Variants in CDH12 observed in about 807,000 individuals in gnomAD.
CDH12 encodes cadherin 12.
A neutral mutation model predicts 74.1 loss-of-function variants in CDH12; 41 were observed. That is an observed-to-expected ratio of 0.55 (90% confidence interval 0.43 to 0.72). CDH12 has a LOEUF of 0.72. Among genes scored for constraint, CDH12 ranks in the 30% least tolerant of loss-of-function variants. The pLI, the probability that CDH12 is intolerant of heterozygous loss-of-function variation, is 0.00. For synonymous variants in CDH12, 399 were observed against 355.0 expected (o/e 1.12, Z -1.39); for missense variants, 945 against 977.2 (o/e 0.97, Z 0.44).
intron 1 of CDH12, among the ~76,000 whole-genome samples, chr5:22,678,948 T>C (rs1353350970): frequency 6.6e-6 from 1 of 152,124 alleles, no homozygotes; most frequent in African/African-American, 2.4e-5. Context: ...TATTAAACAG[T>C]CATTTTCCAT....
intron 3 of CDH12, among the ~76,000 whole-genome samples, chr5:22,376,150 C>A (rs1741512919): frequency 6.6e-6 from 1 of 152,144 alleles, no homozygotes; most frequent in African/African-American, 2.4e-5. Context: ...TCATTCGCAG[C>A]AGCATGGATG....
At position 21,819,383 on chromosome 5, in the gene CDH12, A is replaced by G. The variant is rs144036963; in HGVS notation, c.815-2251T>C. Among the ~76,000 whole-genome samples the G allele has an allele frequency of 2.7e-3, 417 of 152,200 alleles. 2 individuals are homozygous for G. The highest frequency in any genetic ancestry group is 4.6e-3 in the Non-Finnish European group (310 of 67,942). ...AAATTCCAAAGAAAAAGGACAAGGC[A>G]CAGAACGTGTAATTTTTCATTTTCC... On this transcript the variant is annotated intron_variant, in intron 8 of 14. Coordinates refer to ENST00000382254, the MANE Select transcript of CDH12 (RefSeq NM_004061.5).
At chr5:22,569,234 G>C (rs927018567) in intron 1 of CDH12, among the ~76,000 whole-genome samples, 2 of 152,122 alleles carry the variant, frequency 1.3e-5, no homozygotes, top group African/African-American at 4.8e-5. Flanking sequence ...GTAGTGGTTG[G>C]GTGAAGGGGG....
intron 3 of CDH12, among the ~76,000 whole-genome samples, chr5:22,342,832 CTCTT>C (rs112312564): frequency 5.9e-4 from 84 of 142,870 alleles, no homozygotes; most frequent in African/African-American, 2.2e-3. Flanking sequence ...CTCTCTGTCT[CTCTT>C]TCTGTCTGTC....
intron 5 of CDH12, among the ~76,000 whole-genome samples, chr5:22,033,443 A>G (rs1467924867): frequency 1.3e-5 from 2 of 152,192 alleles, no homozygotes; most frequent in African/African-American, 4.8e-5. Flanking sequence ...AGTGTTATTC[A>G]TACCGGAAAG....
rs374846476 is a variant in CDH12, at chr5:22,745,900, C to T, written c.-523+107158G>A. On this transcript the variant is annotated intron_variant, in intron 1 of 14. Transcript: ENST00000382254. ...TCTATGTAAAAGGCCTGCACGTGTACCCCAGAAGTGAAAATAAACATTAAA... is the reference window on the plus strand; with the variant it reads ...TCTATGTAAAAGGCCTGCACGTGTATCCCAGAAGTGAAAATAAACATTAAA... 2.0e-5 allele frequency among the ~76,000 whole-genome samples: 3 copies of T among 151,700 alleles called. No individual in the cohort carries two copies. The East Asian group carries it at 5.8e-4, about 29-fold the overall frequency.
intron 8 of CDH12, among the ~76,000 whole-genome samples, chr5:21,838,892 G>C (rs969053599): frequency 6.6e-6 from 1 of 152,136 alleles, no homozygotes; most frequent in Non-Finnish European, 1.5e-5. Context: ...TACCCACATG[G>C]ATTGCATTCT....
chr5:22,436,168 A>G (rs944099399), intron 2 of CDH12, among the ~76,000 whole-genome samples: 4 of 150,306 alleles, frequency 2.7e-5, no homozygotes, highest in Admixed American at 6.6e-5. Context: ...TATCGCAAGG[A>G]CAAAAAAACC....
At chr5:22,408,550 T>C in intron 2 of CDH12, among the ~76,000 whole-genome samples, 1 of 151,076 alleles carries the variant, frequency 6.6e-6, no homozygotes, top group East Asian at 1.9e-4. Flanking sequence ...TCAAAATGGA[T>C]ATTATATCAT....
chr5:22,836,165 T>C (rs1736806173), intron 1 of CDH12, among the ~76,000 whole-genome samples: 1 of 151,018 alleles, frequency 6.6e-6, no homozygotes, highest in African/African-American at 2.4e-5. Flanking sequence ...AAGAAATAAT[T>C]ATGTGACACT....
At chr5:22,728,636 T>C (rs140283708) in intron 1 of CDH12, among the ~76,000 whole-genome samples, 104 of 151,980 alleles carry the variant, frequency 6.8e-4, no homozygotes, top group Non-Finnish European at 1.2e-3. Flanking sequence ...ATTACTGTCA[T>C]TGTGGGAAAG....
At chr5:21,880,591 CCTTCCTT>C (rs1752233329) in intron 6 of CDH12, among the ~76,000 whole-genome samples, 1 of 52,514 alleles carries the variant, frequency 1.9e-5, no homozygotes, top group South Asian at 8.6e-4. Flanking sequence ...TTCCTTCCTT[CCTTCCTT>C]CCTTCCTTCC....
intron 1 of CDH12, among the ~76,000 whole-genome samples, chr5:22,579,418 G>C (rs1739963874): frequency 6.6e-6 from 1 of 152,060 alleles, no homozygotes; most frequent in African/African-American, 2.4e-5. Context: ...TTAAATAATA[G>C]TGGTAACAGT....
chr5:22,384,625 G>T (rs1012248316), intron 3 of CDH12, among the ~76,000 whole-genome samples: 5 of 151,900 alleles, frequency 3.3e-5, no homozygotes, highest in Non-Finnish European at 7.4e-5. Context: ...GCTTGGCAAT[G>T]GCTTATGTTC....
At chr5:21,848,451 T>A (rs1477622945) in intron 7 of CDH12, among the ~76,000 whole-genome samples, 2 of 151,988 alleles carry the variant, frequency 1.3e-5, no homozygotes, top group African/African-American at 4.8e-5. Flanking sequence ...CTCAGTTACA[T>A]TACAGTTATG....
chr5:22,845,811 G>A (rs1737276065), intron 1 of CDH12, among the ~76,000 whole-genome samples: 1 of 152,184 alleles, frequency 6.6e-6, no homozygotes, highest in Non-Finnish European at 1.5e-5. Flanking sequence ...GCCATGGGAA[G>A]TACTTTGATA....
intron 1 of CDH12, among the ~76,000 whole-genome samples, chr5:22,744,667 G>T (rs112424921): frequency 7.4e-4 from 112 of 152,046 alleles, no homozygotes; most frequent in African/African-American, 2.5e-3. Context: ...GATTTTTGTT[G>T]TTTGTTTAAA....
intron 1 of CDH12, among the ~76,000 whole-genome samples, chr5:22,732,440 A>G (rs892002515): frequency 1.4e-5 from 2 of 146,360 alleles, no homozygotes; most frequent in African/African-American, 2.6e-5. Flanking sequence ...CTATATATAC[A>G]TATGTGAATG....
At chr5:22,023,529 T>C (rs190664868) in intron 5 of CDH12, among the ~76,000 whole-genome samples, 1 of 152,108 alleles carries the variant, frequency 6.6e-6, no homozygotes, top group East Asian at 1.9e-4. Context: ...TGTATATATA[T>C]ATAATTCTCT....
Sources: gnomAD v4.1 joint callset for allele counts (sites outside exome capture counted in the v4.1 genomes callset) on GRCh38, gnomAD v4.1.1 for gene constraint, MANE v1.5 for transcripts, NCBI Gene and HGNC (gene_info 2026-07-23, HGNC 2026-07-21) for gene names.